Variants in XKR9 observed in about 807,000 individuals in gnomAD.
The protein encoded by XKR9 is XK related 9.
Under a neutral mutation model 32.0 loss-of-function variants are expected in XKR9, and 32 were observed. The observed-to-expected ratio is 1.00, with a 90% CI of 0.76 to 1.34. The LOEUF (loss-of-function observed/expected upper bound fraction) is 1.34. XKR9 is among the 40% of genes most tolerant of loss of function. The pLI, the probability that XKR9 is intolerant of heterozygous loss-of-function variation, is 0.00. For synonymous variants in XKR9, 168 were observed against 143.4 expected (o/e 1.17, Z -1.22); for missense variants, 546 against 429.7 (o/e 1.27, Z -2.39).
the XKR9 span, among the ~76,000 whole-genome samples, chr8:70,903,394 A>C: frequency 6.6e-6 from 1 of 152,014 alleles, no homozygotes; most frequent in African/African-American, 2.4e-5. Context: ...GAATTTATCC[A>C]TTTCTTCTAG....
the XKR9 span, among the ~76,000 whole-genome samples, chr8:70,828,076 A>G: frequency 1.3e-5 from 2 of 152,240 alleles, no homozygotes; most frequent in East Asian, 3.8e-4. Flanking sequence ...TGTAAGACAC[A>G]TTAAAATAGA....
At chr8:71,062,549 C>T in the XKR9 span, among the ~76,000 whole-genome samples, 1 of 152,170 alleles carries the variant, frequency 6.6e-6, no homozygotes, top group Admixed American at 6.5e-5. Flanking sequence ...GAGACACAAA[C>T]ATTCAGTCCC....
At chr8:70,755,151 T>C (rs1430184442) in intron 2 of XKR9, among the ~76,000 whole-genome samples, 1 of 152,086 alleles carries the variant, frequency 6.6e-6, no homozygotes. Flanking sequence ...AAAAGACACA[T>C]GAAAAAATGC....
the XKR9 span, among the ~76,000 whole-genome samples, chr8:70,913,131 C>T: frequency 2.6e-5 from 4 of 152,232 alleles, no homozygotes; most frequent in Admixed American, 1.3e-4. Flanking sequence ...AATGAAAATT[C>T]CCAGTTTCTA....
At chr8:70,738,366 C>T (rs1318624042), downstream of XKR9, among the ~76,000 whole-genome samples, 3 of 147,332 alleles carry the variant, frequency 2.0e-5, no homozygotes, top group Non-Finnish European at 4.5e-5. Context: ...CTCTTTTCTT[C>T]TTTATTAGTC....
At chr8:70,697,827 G>A (rs1406997751) in intron 3 of XKR9, among the ~76,000 whole-genome samples, 1 of 151,960 alleles carries the variant, frequency 6.6e-6, no homozygotes, top group African/African-American at 2.4e-5. Context: ...ACTCTTTCTG[G>A]TTGGTAAGCT....
At chr8:70,756,396 C>T (rs765685331) in intron 2 of XKR9, among the ~76,000 whole-genome samples, 1 of 152,146 alleles carries the variant, frequency 6.6e-6, no homozygotes, top group Non-Finnish European at 1.5e-5. Context: ...TCACTTTCTA[C>T]AGAGAAATTA....
At chr8:70,979,008 T>G in the XKR9 span, among the ~76,000 whole-genome samples, 8 of 152,210 alleles carry the variant, frequency 5.3e-5, no homozygotes, top group Non-Finnish European at 1.2e-4. Context: ...ATGATACCCT[T>G]TCTTCCACTT....
At chr8:70,777,484 G>A (rs1807543690) in intron 2 of XKR9, among the ~76,000 whole-genome samples, 1 of 152,152 alleles carries the variant, frequency 6.6e-6, no homozygotes, top group African/African-American at 2.4e-5. Flanking sequence ...TAATGGGATT[G>A]CTGGGTCAAA....
At chr8:70,820,664 C>T in the XKR9 span, among the ~76,000 whole-genome samples, 6 of 152,106 alleles carry the variant, frequency 3.9e-5, no homozygotes, top group Admixed American at 2.6e-4. Context: ...AAAATCATGG[C>T]GGAAGGCAAA....
At chr8:70,827,763 GA>G in the XKR9 span, among the ~76,000 whole-genome samples, 2 of 151,922 alleles carry the variant, frequency 1.3e-5, no homozygotes, top group African/African-American at 2.4e-5. Context: ...ATTTATTGGG[GA>G]AAAAAAGTGG....
At chr8:70,905,908 G>A in the XKR9 span, among the ~76,000 whole-genome samples, 2 of 152,216 alleles carry the variant, frequency 1.3e-5, no homozygotes, top group Admixed American at 6.5e-5. Flanking sequence ...GACCCTGTTT[G>A]CCTGTGTTAT....
the XKR9 span, among the ~76,000 whole-genome samples, chr8:70,849,068 C>A: frequency 1.3e-5 from 2 of 152,104 alleles, no homozygotes; most frequent in Non-Finnish European, 1.5e-5. Context: ...ATATTCAGGA[C>A]CTGAACTCAG....
At chr8:70,706,262 C>T (rs753754968) in intron 3 of XKR9, among the ~76,000 whole-genome samples, 1 of 151,976 alleles carries the variant, frequency 6.6e-6, no homozygotes, top group Non-Finnish European at 1.5e-5. Flanking sequence ...GGGATGATAA[C>T]TTGTGTTCAC....
the XKR9 span, among the ~76,000 whole-genome samples, chr8:70,911,850 G>A: frequency 2.0e-5 from 3 of 152,080 alleles, no homozygotes; most frequent in Admixed American, 6.6e-5. Context: ...CTAGTTAAGA[G>A]GACAGAAAAA....
At chr8:70,710,092 C>CA (rs1401034624) in intron 4 of XKR9, among the ~76,000 whole-genome samples, 1 of 152,100 alleles carries the variant, frequency 6.6e-6, no homozygotes, top group East Asian at 1.9e-4. Context: ...TAAAAACAGA[C>CA]ATGTAGACCA....
chr8:70,798,116 T>G, the XKR9 span, among the ~76,000 whole-genome samples: 2 of 152,346 alleles, frequency 1.3e-5, no homozygotes, highest in African/African-American at 4.8e-5. Context: ...TTATGTTCTT[T>G]GAGAAATTGC....
At chr8:70,919,013 G>A in the XKR9 span, among the ~76,000 whole-genome samples, 23 of 151,966 alleles carry the variant, frequency 1.5e-4, no homozygotes, top group African/African-American at 5.1e-4. Flanking sequence ...TCCTGACCTC[G>A]TGATCCACCC....
the XKR9 span, among the ~76,000 whole-genome samples, chr8:70,872,013 T>G: frequency 6.6e-6 from 1 of 152,342 alleles, no homozygotes; most frequent in Non-Finnish European, 1.5e-5. Flanking sequence ...ACATCATTGC[T>G]ATGGAACTGG....
Sources: gnomAD v4.1 joint callset for allele counts (sites outside exome capture counted in the v4.1 genomes callset) on GRCh38, gnomAD v4.1.1 for gene constraint, MANE v1.5 for transcripts, NCBI Gene and HGNC (gene_info 2026-07-23, HGNC 2026-07-21) for gene names.